Variants in CDH18 observed in about 807,000 individuals in gnomAD.
The protein encoded by CDH18 is cadherin 18, also known as cadherin-18.
Under a neutral mutation model 67.9 loss-of-function variants are expected in CDH18, and 31 were observed. That is an observed-to-expected ratio of 0.46 (90% CI 0.34 to 0.62). The LOEUF (loss-of-function observed/expected upper bound fraction) is 0.62, where lower values mean the gene tolerates loss of function less well. CDH18 is among the 20% of genes least tolerant of loss of function. The pLI is 0.01. For missense variants in CDH18, 890 were observed against 975.5 expected (o/e 0.91, Z 1.17); for synonymous variants, 362 against 347.2 (o/e 1.04, Z -0.48).
At chr5:19,607,648 T>A (rs1748273543) in intron 6 of CDH18, among the ~76,000 whole-genome samples, 1 of 151,362 alleles carries the variant, frequency 6.6e-6, no homozygotes, top group African/African-American at 2.4e-5. Context: ...AAGATACTTA[T>A]AAGTGTAGTA....
chr5:20,108,591 T>G (rs2126319129), intron 2 of CDH18, among the ~76,000 whole-genome samples: 1 of 152,142 alleles, frequency 6.6e-6, no homozygotes, highest in East Asian at 1.9e-4. Context: ...CACATCCAGG[T>G]AAGTGTCACC....
chr5:19,649,195 T>C (rs1307220360), intron 5 of CDH18, among the ~76,000 whole-genome samples: 2 of 152,192 alleles, frequency 1.3e-5, no homozygotes, highest in East Asian at 3.9e-4. Context: ...CTGTGCTCTT[T>C]AATATATTTG....
rs1580667423 is a variant in CDH18, at chr5:19,643,651, T to C, written c.644-31050A>G. Among the ~76,000 whole-genome samples, 6 of 152,272 alleles carry C rather than the reference T, an allele frequency of 3.9e-5. No homozygotes were observed. In the Middle Eastern group the frequency reaches 0.02, roughly 518 times the overall value. On this transcript the variant is annotated intron_variant, in intron 5 of 12. Transcript: ENST00000382275. The stretch of plus-strand genomic sequence containing the variant: ...TCAAGCTCACACATTCAGAGTAGAA[T>C]GACGGTTACTAGTGGCTGTTCACAG...
chr5:19,658,276 T>C (rs1204303121), intron 5 of CDH18, among the ~76,000 whole-genome samples: 2 of 152,144 alleles, frequency 1.3e-5, no homozygotes, highest in African/African-American at 2.4e-5. Context: ...GTCTATCTCA[T>C]GTCAACACAT....
chr5:19,528,416 T>C (rs575230441), intron 9 of CDH18, among the ~76,000 whole-genome samples: 1 of 151,800 alleles, frequency 6.6e-6, no homozygotes, highest in East Asian at 1.9e-4. Context: ...AATAAAAATT[T>C]CCTTATCAGA....
intron 2 of CDH18, among the ~76,000 whole-genome samples, chr5:19,938,581 T>C (rs1201478613): frequency 1.3e-5 from 2 of 151,568 alleles, no homozygotes; most frequent in African/African-American, 4.8e-5. Flanking sequence ...TTCTTATTCA[T>C]ATTTTCTAGT....
intron 1 of CDH18, among the ~76,000 whole-genome samples, chr5:20,359,669 A>C (rs1304610717): frequency 6.6e-6 from 1 of 152,190 alleles, no homozygotes; most frequent in African/African-American, 2.4e-5. Flanking sequence ...ATTAAACTTC[A>C]AGTAGGAATA....
At chr5:19,852,949 C>G (rs1284676799) in intron 2 of CDH18, among the ~76,000 whole-genome samples, 1 of 151,978 alleles carries the variant, frequency 6.6e-6, no homozygotes, top group African/African-American at 2.4e-5. Context: ...ATGTGTACAT[C>G]AGCATTACTT....
At chr5:19,731,713 T>A (rs1054864782) in intron 4 of CDH18, among the ~76,000 whole-genome samples, 6 of 152,200 alleles carry the variant, frequency 3.9e-5, no homozygotes, top group Non-Finnish European at 7.3e-5. Context: ...ATCTCTCTAA[T>A]GTGTGACATG....
chr5:19,686,967 C>A (rs1761179427), intron 5 of CDH18, among the ~76,000 whole-genome samples: 1 of 152,070 alleles, frequency 6.6e-6, no homozygotes, highest in Non-Finnish European at 1.5e-5. Context: ...AAAGAAAAAC[C>A]AACATGACAA....
At chr5:19,942,806 G>C (rs1040329326) in intron 2 of CDH18, among the ~76,000 whole-genome samples, 1 of 152,284 alleles carries the variant, frequency 6.6e-6, no homozygotes, top group East Asian at 1.9e-4. Context: ...AACCTCAGGA[G>C]CATAGCCCCT....
In CDH18 at chr5:20,067,890, T is replaced by C. The variant is rs77176262; in HGVS notation, c.-517-75876A>G. Among the ~76,000 whole-genome samples, 3,311 of 152,204 alleles carry C rather than the reference T, an allele frequency of 0.022. 219 individuals are homozygous for C. In the East Asian group the frequency reaches 0.27, roughly 12 times the overall value. The stretch of plus-strand genomic sequence containing the variant: ...TTTTTTCTATTCTTTTCTGTTGTTA[T>C]AGTTTATTCTAGTTTCGTGCCAGGG... On this transcript the variant is annotated intron_variant, in intron 2 of 14. Transcript: ENST00000507958.
At chr5:20,157,473 T>A (rs1024520332) in intron 2 of CDH18, among the ~76,000 whole-genome samples, 3 of 152,282 alleles carry the variant, frequency 2.0e-5, no homozygotes, top group African/African-American at 7.2e-5. Flanking sequence ...TGTATAGATT[T>A]ATGGGGTACA....
chr5:19,729,591 CCCATAGTGAA>C (rs1055558823), intron 4 of CDH18, among the ~76,000 whole-genome samples: 6 of 152,140 alleles, frequency 3.9e-5, no homozygotes, highest in African/African-American at 1.4e-4. Flanking sequence ...TATCACATTT[CCCATAGTGAA>C]AGGCCGAGGC....
At chr5:19,866,450 C>T (rs1432003660) in intron 2 of CDH18, among the ~76,000 whole-genome samples, 1 of 152,154 alleles carries the variant, frequency 6.6e-6, no homozygotes, top group Admixed American at 6.6e-5. Context: ...GTTTTTACAA[C>T]TTTACATGCA....
At chr5:20,445,013 C>A (rs1043609856) in intron 1 of CDH18, among the ~76,000 whole-genome samples, 1 of 151,994 alleles carries the variant, frequency 6.6e-6, no homozygotes, top group African/African-American at 2.4e-5. Context: ...CTTTGTTGAC[C>A]GTCTAAAGCT....
At chr5:20,204,476 T>A (rs1054146073) in intron 2 of CDH18, among the ~76,000 whole-genome samples, 1 of 152,026 alleles carries the variant, frequency 6.6e-6, no homozygotes, top group Non-Finnish European at 1.5e-5. Context: ...ACAGGACCTA[T>A]TTTACAAGAA....
intron 1 of CDH18, among the ~76,000 whole-genome samples, chr5:20,525,355 T>C (rs186190919): frequency 1.1e-4 from 16 of 152,186 alleles, no homozygotes; most frequent in Non-Finnish European, 1.8e-4. Flanking sequence ...GCGGGGTTCA[T>C]CTTAGCCTAG....
chr5:19,553,633 CTTTTTTTTTTTT>C (rs1021709184), intron 8 of CDH18, among the ~76,000 whole-genome samples: 16 of 108,776 alleles, frequency 1.5e-4, no homozygotes, highest in African/African-American at 5.5e-4. Flanking sequence ...TGGTCTCATA[CTTTTTTTTTTTT>C]TTTTTTTTTT....
Sources: gnomAD v4.1 joint callset for allele counts (sites outside exome capture counted in the v4.1 genomes callset) on GRCh38, gnomAD v4.1.1 for gene constraint, MANE v1.5 for transcripts, NCBI Gene and HGNC (gene_info 2026-07-23, HGNC 2026-07-21) for gene names.